Variants in ZNF70 observed in about 807,000 individuals in gnomAD.
ZNF70 encodes zinc finger protein N27C7-1.
ZNF70 carries 18 observed loss-of-function variants against 37.7 expected under a neutral mutation model. That is an observed-to-expected ratio of 0.48 (90% confidence interval 0.33 to 0.71). The LOEUF (loss-of-function observed/expected upper bound fraction) is 0.71. ZNF70 is among the 30% of genes least tolerant of loss of function. The pLI is 0.02. For missense variants in ZNF70, 506 were observed against 568.6 expected (o/e 0.89, Z 1.12); for synonymous variants, 219 against 220.1 (o/e 0.99, Z 0.05).
In ZNF70 at chr22:23,744,747, T is replaced by C; in HGVS notation, c.394A>G (p.Arg132Gly). ...RGDSGPNAPHRTPQPAKPYAC... is the reference protein window; with the variant it reads ...RGDSGPNAPHGTPQPAKPYAC... Reference sequence around the variant, plus strand: ...TAGGGCTTGGCTGGTTGTGGGGTTCTGTGAGGTGCGTTAGGTCCTGAGTCC... The same window carrying C: ...TAGGGCTTGGCTGGTTGTGGGGTTCCGTGAGGTGCGTTAGGTCCTGAGTCC... Residue 132 changes from arginine to glycine, a missense_variant, in exon 2 of 2, where the codon AGA becomes GGA. Transcript: ENST00000341976. 6 of 1,614,246 alleles carry C rather than the reference T, an allele frequency of 3.7e-6. No individual in the cohort carries two copies. Among genetic ancestry groups the C allele is most frequent in the Non-Finnish European group, 5.1e-6 (6 of 1,180,044 alleles).
rs1924946077 is a variant in ZNF70, at chr22:23,743,358, CTGTGAG to C, written c.*436_*441del. On this transcript the variant is annotated 3_prime_UTR_variant, in exon 2 of 2. Transcript: ENST00000341976. Reference sequence around the variant, plus strand: ...TTCATTTTTCTTCTACTGCTTTGGACTGTGAGTGTGGTTTCTGTCTTCTAAAAGTGC... The same window carrying C: ...TTCATTTTTCTTCTACTGCTTTGGACTGTGGTTTCTGTCTTCTAAAAGTGC... 5.9e-6 allele frequency: 1 copy of C among 168,982 alleles called. No individual in the cohort carries two copies. The highest frequency in any genetic ancestry group is 2.4e-5 in the African/African-American group (1 of 41,710). The allele number at this position is 168,982 out of a possible 1,614,324, so 10.5% of individuals were successfully genotyped here.
intron 1 of ZNF70, among the ~76,000 whole-genome samples, chr22:23,749,022 G>A (rs1925229139): frequency 6.6e-6 from 1 of 151,870 alleles, no homozygotes; most frequent in Non-Finnish European, 1.5e-5. Context: ...CTCTTAAGTA[G>A]CTAGGACACC....
rs1601324026 is a variant in ZNF70 at position 23,750,695 on chromosome 22, A to G, written c.-80+16T>C. Reference sequence around the variant, plus strand: ...TGGACCGAAAATGCAAAGATCTGGAACTCCATGCTTCCCACCTCTGTCGGG... The same window carrying G: ...TGGACCGAAAATGCAAAGATCTGGAGCTCCATGCTTCCCACCTCTGTCGGG... On this transcript the variant is annotated intron_variant, in intron 1 of 1. Coordinates refer to ENST00000341976, the MANE Select transcript of ZNF70 (RefSeq NM_021916.4). 6.6e-6 allele frequency: 1 copy of G among 152,118 alleles called. No individual in the cohort carries two copies. Among genetic ancestry groups the G allele is most frequent in the African/African-American group, 2.4e-5 (1 of 41,366 alleles). The allele number at this position is 152,118 out of a possible 1,614,324, so 9.4% of individuals were successfully genotyped here. A position where few individuals can be genotyped will look rare whatever the true frequency, so the allele number is the denominator to read the frequency against.
chr22:23,743,705 G>A lies in ZNF70; in HGVS notation c.*95C>T. ...GCTTAGGTGGGAAGGTTTCCATTCAGCATCAGGGAGGTAGGTGGGGTCTTG... is the reference window on the plus strand; with the variant it reads ...GCTTAGGTGGGAAGGTTTCCATTCAACATCAGGGAGGTAGGTGGGGTCTTG... On this transcript the variant is annotated 3_prime_UTR_variant, in exon 2 of 2. Transcript: ENST00000341976. The A allele has an allele frequency of 6.7e-7, 1 of 1,491,310 alleles. No individual in the cohort carries two copies. The highest frequency in any genetic ancestry group is 2.2e-5 in the Admixed American group (1 of 46,378). 92.4% of individuals were successfully genotyped at this position (1,491,310 alleles called of 1,614,324 possible).
intron 1 of ZNF70, among the ~76,000 whole-genome samples, chr22:23,746,992 T>G (rs1054221338): frequency 2.6e-5 from 4 of 152,130 alleles, no homozygotes; most frequent in Non-Finnish European, 5.9e-5. Context: ...GCTTGAAAAT[T>G]CCCTAAGGGC....
chr22:23,743,801 T>A lies in ZNF70; in HGVS notation c.1340A>T (p.Ter447LeuextTer140). Residue 447 changes from the stop codon to leucine (L), a stop_lost, in exon 2 of 2, where the codon TAG (stop) becomes TTG (leucine). Coordinates refer to ENST00000341976, the MANE Select transcript of ZNF70 (RefSeq NM_021916.4). ...CAAGCTTTGTGTGGGCTCCTCTTTC[T>A]ATAGCTTCTCCCCAGAATGAATCTT... Reference protein sequence around the residue: ...HQKIHSGEKL* With the variant: ...HQKIHSGEKLL 6.2e-7 allele frequency: 1 copy of A among 1,612,020 alleles called. No homozygotes were observed.
chr22:23,747,428 C>T (rs975081104), intron 1 of ZNF70, among the ~76,000 whole-genome samples: 3 of 152,174 alleles, frequency 2.0e-5, no homozygotes, highest in African/African-American at 7.2e-5. Flanking sequence ...AGTTTCATCT[C>T]AAAACCATCC....
chr22:23,743,757 T>G lies in ZNF70; in HGVS notation c.*43A>C. ...AGACCACGCGACGTGGAATAAAGGC[T>G]CCATCTGGCACAGGCTTTCAAGCTT... On this transcript the variant is annotated 3_prime_UTR_variant, in exon 2 of 2. Transcript: ENST00000341976. The G allele has an allele frequency of 6.3e-7, 1 of 1,574,968 alleles. No homozygotes were observed. The highest frequency in any genetic ancestry group is 8.6e-7 in the Non-Finnish European group (1 of 1,162,484).
rs921069808 is a variant in ZNF70 at position 23,740,002 on chromosome 22, C to G, written c.*3798G>C. 6.6e-6 allele frequency: 1 copy of G among 151,896 alleles called. No individual in the cohort carries two copies. Among genetic ancestry groups the G allele is most frequent in the East Asian group, 1.9e-4 (1 of 5,168 alleles). The allele number at this position is 151,896 out of a possible 1,614,324, so 9.4% of individuals were successfully genotyped here. ...TTACGGAGTGCAGACAAAGCTGTCA[C>G]TCTAAGGAGAAGAAGAAATAAAAAA... On this transcript the variant is annotated 3_prime_UTR_variant, in exon 2 of 2. Transcript: ENST00000341976.
chr22:23,746,789 A>G (rs150362971), intron 1 of ZNF70, among the ~76,000 whole-genome samples: 1 of 152,088 alleles, frequency 6.6e-6, no homozygotes, highest in Non-Finnish European at 1.5e-5. Flanking sequence ...ATGAGGTCAC[A>G]CTGTATTGCC....
chr22:23,743,592 T>C lies in ZNF70; in HGVS notation c.*208A>G. 1 of 614,808 alleles carries C rather than the reference T, an allele frequency of 1.6e-6. No homozygotes were observed. Among genetic ancestry groups the C allele is most frequent in the Non-Finnish European group, 2.7e-6 (1 of 374,126 alleles). The allele number at this position is 614,808 out of a possible 1,614,324, so 38.1% of individuals were successfully genotyped here. On this transcript the variant is annotated 3_prime_UTR_variant, in exon 2 of 2. Transcript: ENST00000341976. ...TGGCTGCCCTCCCTATCACCCCACC[T>C]TCCCTTCCATGCAGAAAACCTGCTG...
chr22:23,748,609 A>G (rs937675521), intron 1 of ZNF70, among the ~76,000 whole-genome samples: 2 of 151,156 alleles, frequency 1.3e-5, no homozygotes, highest in Admixed American at 6.6e-5. Context: ...CAATGGCCCA[A>G]TCTCGGCTCA....
At position 23,745,022 on chromosome 22, in the gene ZNF70, C is replaced by T. The variant is rs968507322; in HGVS notation, c.119G>A (p.Gly40Asp). Residue 40 changes from glycine (G) to aspartate (D), a missense_variant, in exon 2 of 2, where the codon GGT (glycine) becomes GAT (aspartate). Physicochemically the swap from Gly to Asp is moderately conservative, Grantham distance 94. Coordinates refer to ENST00000341976, the MANE Select transcript of ZNF70 (RefSeq NM_021916.4). Reference sequence around the variant, plus strand: ...GTAGATCACAGCCATTTGCTCCAAACCTCTTTCCTGAAGAAAAGGGTCCCC... The same window carrying T: ...GTAGATCACAGCCATTTGCTCCAAATCTCTTTCCTGAAGAAAAGGGTCCCC... ...DLGDPFLQER[G>D]LEQMAVIYKE... 4 of 1,614,192 alleles carry T rather than the reference C, an allele frequency of 2.5e-6. No homozygotes were observed. The highest frequency in any genetic ancestry group is 3.4e-6 in the Non-Finnish European group (4 of 1,180,038).
rs1222426033 is a variant in ZNF70, at chr22:23,741,690, C to T, written c.*2110G>A. The T allele has an allele frequency of 6.6e-6, 1 of 152,248 alleles. No homozygotes were observed. Among genetic ancestry groups the T allele is most frequent in the Admixed American group, 6.5e-5 (1 of 15,276 alleles). 9.4% of individuals were successfully genotyped at this position (152,248 alleles called of 1,614,324 possible). ...CATGATGAGTTCATGTTAGCCCAGCCATAAATGTTTAGGAAACTTCAAAAC... is the reference window on the plus strand; with the variant it reads ...CATGATGAGTTCATGTTAGCCCAGCTATAAATGTTTAGGAAACTTCAAAAC... On this transcript the variant is annotated 3_prime_UTR_variant, in exon 2 of 2. Transcript: ENST00000341976.
At position 23,739,106 on chromosome 22, in the gene ZNF70, A is replaced by C. The variant is rs973380290; in HGVS notation, c.*4694T>G. Reference sequence around the variant, plus strand: ...AAATAATGAAAAAATTGAGTTAACAAATAGAACTGGTAGAATAAAAACACA... The same window carrying C: ...AAATAATGAAAAAATTGAGTTAACACATAGAACTGGTAGAATAAAAACACA... On this transcript the variant is annotated 3_prime_UTR_variant, in exon 2 of 2. Coordinates refer to ENST00000341976, the MANE Select transcript of ZNF70 (RefSeq NM_021916.4). The C allele has an allele frequency of 6.6e-6, 1 of 152,176 alleles. No individual in the cohort carries two copies. Among genetic ancestry groups the C allele is most frequent in the Non-Finnish European group, 1.5e-5 (1 of 68,028 alleles). The allele number at this position is 152,176 out of a possible 1,614,324, so 9.4% of individuals were successfully genotyped here.
rs1056774921 is a variant in ZNF70, at chr22:23,745,217, A to C, written c.-77T>G. ...TTTGGGCCACACTTACTGTTCTCAC[A>C]ATCTGAAAAGAAAACAGGGAACTCT... On this transcript the variant is annotated splice_region_variant and 5_prime_UTR_variant, in exon 2 of 2. In the 5' UTR this introduces an upstream ATG that the reference lacks. Coordinates refer to ENST00000341976, the MANE Select transcript of ZNF70 (RefSeq NM_021916.4). 6.1e-6 allele frequency: 9 copies of C among 1,486,252 alleles called. No homozygotes were observed. Among genetic ancestry groups the C allele is most frequent in the Admixed American group, 2.2e-5 (1 of 46,284 alleles). 92.1% of individuals were successfully genotyped at this position (1,486,252 alleles called of 1,614,324 possible).
At chr22:23,746,939 T>C (rs1925144621) in intron 1 of ZNF70, among the ~76,000 whole-genome samples, 1 of 152,144 alleles carries the variant, frequency 6.6e-6, no homozygotes, top group African/African-American at 2.4e-5. Context: ...TCCCTTTTTC[T>C]CTGCACCCTC....
At chr22:23,749,091 G>A (rs1925232247) in intron 1 of ZNF70, among the ~76,000 whole-genome samples, 1 of 151,604 alleles carries the variant, frequency 6.6e-6, no homozygotes, top group African/African-American at 2.4e-5. Flanking sequence ...GGCCGGACGC[G>A]GTGGCTCACG....
In ZNF70 at chr22:23,744,117, C is replaced by G; in HGVS notation, c.1024G>C (p.Gly342Arg). 3 of 1,613,992 alleles carry G rather than the reference C, an allele frequency of 1.9e-6. No homozygotes were observed. The highest frequency in any genetic ancestry group is 2.5e-6 in the Non-Finnish European group (3 of 1,180,002). ...GAGGAGCTCTGGCTGAAGGCTTTCC[C>G]ACACTTCTGGCATTTGTAGGGCTTC... ...GEKPYKCQKCGKAFSQSSSLI... is the reference protein window; with the variant it reads ...GEKPYKCQKCRKAFSQSSSLI... Residue 342 changes from glycine to arginine, a missense_variant, in exon 2 of 2, where the codon GGG becomes CGG. Coordinates refer to ENST00000341976, the MANE Select transcript of ZNF70 (RefSeq NM_021916.4).
Sources: allele counts gnomAD v4.1 joint callset (sites outside exome capture counted in the v4.1 genomes callset), GRCh38; gene constraint gnomAD v4.1.1; transcripts MANE v1.5; gene names NCBI Gene and HGNC (gene_info 2026-07-23, HGNC 2026-07-21).